The following CTPS1 variants were observed in gnomAD, a reference collection of about 807,000 sequenced individuals.
CTPS1 encodes CTP synthase 1.
Under a neutral mutation model 80.5 loss-of-function variants are expected in CTPS1, and 25 were observed. The observed-to-expected ratio is 0.31, with a 90% confidence interval of 0.23 to 0.43. The LOEUF (loss-of-function observed/expected upper bound fraction) is 0.43. Among genes scored for constraint, CTPS1 ranks in the 20% least tolerant of loss-of-function variants. The pLI is 1.00. For synonymous variants in CTPS1, 267 were observed against 252.5 expected, an observed-to-expected ratio of 1.06 and a Z score of -0.54; for missense variants, 442 against 725.7, an observed-to-expected ratio of 0.61 and a Z score of 4.49.
intron 3 of CTPS1, among the ~76,000 whole-genome samples, chr1:40,986,779 A>G (rs1642465231): frequency 6.6e-6 from 1 of 152,198 alleles, no homozygotes; most frequent in South Asian, 2.1e-4. Flanking sequence ...CTGTCTCACA[A>G]AATTTCCACA....
chr1:41,011,044 C>T (rs1643158850), intron 18 of CTPS1, among the ~76,000 whole-genome samples: 1 of 152,158 alleles, frequency 6.6e-6, no homozygotes, highest in Non-Finnish European at 1.5e-5. Flanking sequence ...AGGGGGACCT[C>T]CCTGAATCCT....
In CTPS1 at chr1:41,008,675, C is replaced by T. The variant is rs142122161; in HGVS notation, c.1410C>T (p.Asp470=). ...TTTTGCCAGGGAAACTCTATGGAGA[C>T]GCAGACTACTTGGAAGAGAGGCACC... ...KNSVMRKLYG[D]ADYLEERHRH... is the part of the protein sequence containing the mutation. Residue 470 remains aspartate, a synonymous_variant, in exon 15 of 19, where the codon GAC becomes GAT. Coordinates refer to ENST00000650070, the MANE Select transcript of CTPS1 (RefSeq NM_001905.4). The T allele has an allele frequency of 1.9e-5, 30 of 1,614,102 alleles. No homozygotes were observed. In the East Asian group the frequency reaches 2.7e-4, roughly 14 times the overall value.
At chr1:41,004,917 C>G (rs1320248481) in intron 12 of CTPS1, among the ~76,000 whole-genome samples, 1 of 150,718 alleles carries the variant, frequency 6.6e-6, no homozygotes, top group Admixed American at 6.6e-5. Flanking sequence ...TCACTTGAGG[C>G]CAGGAGGTCG....
At chr1:40,989,947 T>G (rs545298860) in intron 5 of CTPS1, among the ~76,000 whole-genome samples, 8 of 152,228 alleles carry the variant, frequency 5.3e-5, no homozygotes, top group African/African-American at 1.9e-4. Flanking sequence ...AAGGTAAAAT[T>G]AGAGGACTGG....
intron 17 of CTPS1, 103 bp from the exon 18 acceptor site, chr1:41,010,058 C>T (rs965728787): frequency 1.0e-5 from 7 of 694,544 alleles, no homozygotes; most frequent in Non-Finnish European, 1.8e-5. Context: ...GTGATTCCTG[C>T]CATGTGCAGG....
At chr1:41,004,698 A>C (rs1025728365) in intron 12 of CTPS1, among the ~76,000 whole-genome samples, 3 of 152,234 alleles carry the variant, frequency 2.0e-5, no homozygotes, top group African/African-American at 2.4e-5. Context: ...GGTTGAGTTG[A>C]AATCAGTTCA....
chr1:40,996,387 C>A (rs1396064351), intron 8 of CTPS1, among the ~76,000 whole-genome samples: 1 of 152,016 alleles, frequency 6.6e-6, no homozygotes. Context: ...GTGTGCATAT[C>A]CAAAGCCCAC....
At chr1:40,982,117 C>T in intron 1 of CTPS1, 1 of 622,788 alleles carries the variant, frequency 1.6e-6, no homozygotes, top group Non-Finnish European at 2.5e-6. Context: ...CCGTGGTGAG[C>T]CTGTCACGGT....
At chr1:40,997,131 G>GT (rs1642773469) in intron 8 of CTPS1, 7 of 374,604 alleles carry the variant, frequency 1.9e-5, no homozygotes, top group Admixed American at 4.5e-5. Context: ...TGTTTTTGTT[G>GT]TTTTTTGTGG....
In CTPS1 at chr1:40,991,216, G is replaced by C. The variant is rs1433781145; in HGVS notation, c.607G>C (p.Glu203Gln). ...TAAACCTACCCAGAATAGTGTTCGG[G>C]AACTTAGAGGACTTGGGCTTTCCCC... ...KTKPTQNSVR[E>Q]LRGLGLSPDL... Residue 203 changes from glutamate to glutamine, a missense_variant, in exon 6 of 19, where the codon GAA (glutamate) becomes CAA (glutamine). By Grantham distance (29) the Glu-to-Gln change is conservative. Transcript: ENST00000650070. 7 of 1,592,344 alleles carry C rather than the reference G, an allele frequency of 4.4e-6. No individual in the cohort carries two copies. The highest frequency in any genetic ancestry group is 6.0e-6 in the Non-Finnish European group (7 of 1,174,658).
At chr1:41,010,074 G>T in intron 17 of CTPS1, 87 bp from the exon 18 acceptor site, 1 of 806,686 alleles carries the variant, frequency 1.2e-6, no homozygotes, top group Non-Finnish European at 2.1e-6. Context: ...GCAGGCAAGT[G>T]TCCCTGTAGG....
intron 9 of CTPS1, 133 bp from the exon 10 acceptor site, chr1:41,000,870 ATATTAAGTTGATCACTTTAAAGCCAG>A (rs1329239385): frequency 1.3e-4 from 53 of 405,970 alleles, no homozygotes; most frequent in Non-Finnish European, 2.0e-4. Flanking sequence ...GTTATTAAAT[ATATTAAGTTGATCACTTTAAAGCCAG>A]TATTAAGATG....
chr1:40,997,302 C>G, intron 8 of CTPS1, 92 bp from the exon 9 acceptor site: 2 of 1,446,560 alleles, frequency 1.4e-6, no homozygotes, highest in African/African-American at 1.4e-5. Flanking sequence ...CCTGGCCAGA[C>G]GTGGTTTTTT....
rs1232039515 is a variant in CTPS1 at position 40,985,627 on chromosome 1, G to C, written c.337+636G>C. Among the ~76,000 whole-genome samples, 3 of 152,106 alleles carry C rather than the reference G, an allele frequency of 2.0e-5. No individual in the cohort carries two copies. The East Asian group carries it at 5.8e-4, about 29-fold the overall frequency. ...AATGGCAGTGGCCCAAATTTGGAGA[G>C]GTTGCTGAAAAGTGGCTTTAATCTG... On this transcript the variant is annotated intron_variant, in intron 3 of 18. Transcript: ENST00000650070.
intron 18 of CTPS1, among the ~76,000 whole-genome samples, chr1:41,011,356 C>T (rs920066460): frequency 1.3e-5 from 2 of 152,192 alleles, no homozygotes; most frequent in African/African-American, 2.4e-5. Flanking sequence ...GATATTTGGT[C>T]AGTTACATGG....
intron 1 of CTPS1, among the ~76,000 whole-genome samples, chr1:40,982,470 A>G (rs1642339089): frequency 6.6e-6 from 1 of 151,954 alleles, no homozygotes; most frequent in African/African-American, 2.4e-5. Flanking sequence ...GCTCACTGCA[A>G]CCTCTGTCTC....
At chr1:40,996,320 C>T (rs753215096) in intron 8 of CTPS1, among the ~76,000 whole-genome samples, 11 of 152,160 alleles carry the variant, frequency 7.2e-5, no homozygotes, top group African/African-American at 1.2e-4. Flanking sequence ...TGTCTTAACA[C>T]GCTTGTCTCT....
chr1:40,986,963 G>T (rs1229839913), intron 3 of CTPS1, among the ~76,000 whole-genome samples: 1 of 152,190 alleles, frequency 6.6e-6, no homozygotes, highest in African/African-American at 2.4e-5. Context: ...CTACCCTTTG[G>T]TAAACTGGAA....
intron 10 of CTPS1, 67 bp from the exon 11 acceptor site, chr1:41,002,092 TA>T: frequency 2.2e-6 from 3 of 1,393,122 alleles, no homozygotes; most frequent in Non-Finnish European, 2.0e-6. Context: ...AATGGCCCGT[TA>T]GGCGATTATT....
Sources: allele counts gnomAD v4.1 joint callset (sites outside exome capture counted in the v4.1 genomes callset), GRCh38; gene constraint gnomAD v4.1.1; transcripts MANE v1.5; gene names NCBI Gene and HGNC (gene_info 2026-07-23, HGNC 2026-07-21).